SGCD: variants seen among roughly 807,000 people sequenced by gnomAD.
SGCD encodes delta-sarcoglycan.
A neutral mutation model predicts 36.6 loss-of-function variants in SGCD; 18 were observed. That is an observed-to-expected ratio of 0.49 (90% CI 0.34 to 0.73). SGCD has a LOEUF of 0.73. SGCD is among the 30% of genes least tolerant of loss of function. The pLI is 0.01. For missense variants in SGCD, 387 were observed against 346.7 expected (o/e 1.12, Z -0.92); for synonymous variants, 133 against 130.6 (o/e 1.02, Z -0.12).
chr5:156,516,221 A>ACC (rs34881437), intron 4 of SGCD, among the ~76,000 whole-genome samples: 23,157 of 152,072 alleles, frequency 0.15, 2,023 homozygotes, highest in Admixed American at 0.19. Flanking sequence ...ACTAGGTGAG[A>ACC]CCCCCCACAC....
chr5:156,403,459 C>T (rs1421270735), intron 3 of SGCD, among the ~76,000 whole-genome samples: 1 of 152,206 alleles, frequency 6.6e-6, no homozygotes, highest in African/African-American at 2.4e-5. Context: ...AATTTAACCT[C>T]CACAATTCCT....
chr5:156,200,706 A>G (rs920898047), intron 3 of SGCD, among the ~76,000 whole-genome samples: 11 of 152,184 alleles, frequency 7.2e-5, no homozygotes, highest in African/African-American at 2.4e-4. Context: ...ATATTTAATT[A>G]CCATGTTATG....
intron 3 of SGCD, among the ~76,000 whole-genome samples, chr5:156,475,629 A>G (rs1300051650): frequency 6.6e-6 from 1 of 152,180 alleles, no homozygotes; most frequent in Non-Finnish European, 1.5e-5. Flanking sequence ...CCCGAAGCCA[A>G]CACTTCCAGC....
the SGCD span, among the ~76,000 whole-genome samples, chr5:155,801,526 C>T: frequency 6.6e-6 from 1 of 152,162 alleles, no homozygotes; most frequent in Non-Finnish European, 1.5e-5. Context: ...AAATTCTCTC[C>T]TCTGGGACTT....
intron 3 of SGCD, among the ~76,000 whole-genome samples, chr5:156,127,645 A>C (rs971191445): frequency 6.6e-6 from 1 of 151,936 alleles, no homozygotes; most frequent in African/African-American, 2.4e-5. Context: ...TAATAAAACA[A>C]TAGAGAGTTC....
At chr5:155,906,958 A>G (rs1246402766) in intron 1 of SGCD, among the ~76,000 whole-genome samples, 5 of 151,510 alleles carry the variant, frequency 3.3e-5, no homozygotes, top group Non-Finnish European at 5.9e-5. Context: ...TCATAGCTAG[A>G]GAGAAGAAAT....
chr5:156,701,656 A>G (rs917559107), intron 7 of SGCD, among the ~76,000 whole-genome samples: 1 of 152,186 alleles, frequency 6.6e-6, no homozygotes, highest in Non-Finnish European at 1.5e-5. Flanking sequence ...ATTCTCAGTA[A>G]AACAGAAAGC....
chr5:155,894,067 G>A (rs1484458419), intron 1 of SGCD, among the ~76,000 whole-genome samples: 1 of 152,134 alleles, frequency 6.6e-6, no homozygotes, highest in Non-Finnish European at 1.5e-5. Flanking sequence ...AGTTGTTCTG[G>A]GTGAGTTGGT....
the SGCD span, among the ~76,000 whole-genome samples, chr5:155,834,772 G>A: frequency 6.6e-6 from 1 of 151,698 alleles, no homozygotes; most frequent in African/African-American, 2.4e-5. Context: ...GTGCCTTGTG[G>A]TAAGTGCACT....
intron 6 of SGCD, among the ~76,000 whole-genome samples, chr5:156,642,816 TC>T (rs1465984009): frequency 5.9e-5 from 9 of 151,972 alleles, no homozygotes; most frequent in Non-Finnish European, 2.9e-5. Flanking sequence ...GTTTCCATAG[TC>T]TTTTCTACTG....
At chr5:155,990,656 C>T (rs555247120) in intron 1 of SGCD, among the ~76,000 whole-genome samples, 28 of 152,250 alleles carry the variant, frequency 1.8e-4, no homozygotes, top group African/African-American at 6.0e-4. Flanking sequence ...TCCCAATTTC[C>T]AGTCTATATT....
At chr5:155,763,213 G>T in the SGCD span, among the ~76,000 whole-genome samples, 1 of 152,118 alleles carries the variant, frequency 6.6e-6, no homozygotes, top group Non-Finnish European at 1.5e-5. Flanking sequence ...TAATTTCAGG[G>T]ATGAAGGAAT....
At chr5:156,318,299 A>C (rs1269195290) in intron 3 of SGCD, among the ~76,000 whole-genome samples, 1 of 152,218 alleles carries the variant, frequency 6.6e-6, no homozygotes, top group African/African-American at 2.4e-5. Context: ...AAACTCAGAA[A>C]AAGGAGAGTT....
Position 156,459,537 on chromosome 5 carries a change from T to C in SGCD, c.193-49064T>C, listed in dbSNP as rs563740156. On this transcript the variant is annotated intron_variant, in intron 3 of 8. Coordinates refer to ENST00000337851, the MANE Select transcript of SGCD (RefSeq NM_000337.6). Reference sequence around the variant, plus strand: ...CAGAAATAGCTCAGTGGCCACATCTTACACAGGAAGAAATGAAGAGCCCTT... The same window carrying C: ...CAGAAATAGCTCAGTGGCCACATCTCACACAGGAAGAAATGAAGAGCCCTT... Among the ~76,000 whole-genome samples the C allele has an allele frequency of 9.8e-5, 15 of 152,306 alleles. No individual in the cohort carries two copies. In the South Asian group the frequency reaches 3.1e-3, roughly 32 times the overall value.
chr5:155,983,026 G>T (rs1758260282), intron 1 of SGCD, among the ~76,000 whole-genome samples: 2 of 152,100 alleles, frequency 1.3e-5, no homozygotes, highest in Non-Finnish European at 1.5e-5. Flanking sequence ...GGAGAGAAAA[G>T]AAATAGGCTG....
chr5:156,166,441 C>T (rs1026202541), intron 3 of SGCD, among the ~76,000 whole-genome samples: 10 of 152,066 alleles, frequency 6.6e-5, no homozygotes, highest in African/African-American at 1.7e-4. Context: ...CTCAGCCTCC[C>T]GAGTAGCTGG....
chr5:156,698,870 C>G (rs185961042), intron 7 of SGCD, among the ~76,000 whole-genome samples: 2 of 151,076 alleles, frequency 1.3e-5, no homozygotes, highest in African/African-American at 4.9e-5. Flanking sequence ...CACACACACA[C>G]ACACACACAC....
At chr5:156,389,021 G>A (rs1239365423) in intron 3 of SGCD, among the ~76,000 whole-genome samples, 1 of 152,166 alleles carries the variant, frequency 6.6e-6, no homozygotes, top group Non-Finnish European at 1.5e-5. Flanking sequence ...CTTATCTAGA[G>A]TAAGGCTGAC....
intron 3 of SGCD, among the ~76,000 whole-genome samples, chr5:156,196,000 C>A (rs947255824): frequency 6.6e-6 from 1 of 151,836 alleles, no homozygotes; most frequent in African/African-American, 2.4e-5. Context: ...CTCACCCAAC[C>A]TCTGAAGGCA....
Sources: allele counts gnomAD v4.1 joint callset (sites outside exome capture counted in the v4.1 genomes callset), GRCh38; gene constraint gnomAD v4.1.1; transcripts MANE v1.5; gene names NCBI Gene and HGNC (gene_info 2026-07-23, HGNC 2026-07-21).